The following DLG2 variants were observed in gnomAD, a reference collection of about 807,000 sequenced individuals.
The protein encoded by DLG2 is discs large MAGUK scaffold protein 2.
In DLG2, 45 loss-of-function variants were observed where a neutral mutation model predicts 132.5. That is an observed-to-expected ratio of 0.34 (90% CI 0.27 to 0.44). DLG2 has a LOEUF of 0.44. Among genes scored for constraint, DLG2 ranks in the 20% least tolerant of loss-of-function variants. The pLI, the probability that DLG2 is intolerant of heterozygous loss-of-function variation, is 1.00. For missense variants in DLG2, 1,045 were observed against 1,196.9 expected (o/e 0.87, Z 1.87); for synonymous variants, 424 against 419.6 (o/e 1.01, Z -0.13).
intron 3 of DLG2, among the ~76,000 whole-genome samples, chr11:85,321,224 T>C (rs535847985): frequency 1.3e-5 from 2 of 152,032 alleles, no homozygotes; most frequent in Middle Eastern, 3.4e-3. Flanking sequence ...AGTAGTTTTT[T>C]AGCCTGGGCA....
intron 18 of DLG2, among the ~76,000 whole-genome samples, chr11:83,760,942 T>C (rs1182147094): frequency 6.6e-6 from 1 of 152,210 alleles, no homozygotes; most frequent in Non-Finnish European, 1.5e-5. Flanking sequence ...ATGTACCTCA[T>C]TGTCTTAAGG....
At chr11:83,702,750 G>A (rs1296895066) in intron 18 of DLG2, among the ~76,000 whole-genome samples, 1 of 152,124 alleles carries the variant, frequency 6.6e-6, no homozygotes, top group African/African-American at 2.4e-5. Flanking sequence ...TGAGCTTCAT[G>A]GACAAATAAA....
At chr11:85,621,267 C>A (rs1306733464) in intron 2 of DLG2, among the ~76,000 whole-genome samples, 10 of 151,742 alleles carry the variant, frequency 6.6e-5, no homozygotes. Context: ...ATTGACAATG[C>A]ACCTAGTCAC....
At chr11:83,901,630 A>G (rs2073460745) in intron 15 of DLG2, among the ~76,000 whole-genome samples, 1 of 152,206 alleles carries the variant, frequency 6.6e-6, no homozygotes, top group Non-Finnish European at 1.5e-5. Flanking sequence ...TGTAAGTCCA[A>G]TAAACCTATT....
chr11:84,238,242 T>C (rs1252112581), intron 8 of DLG2, among the ~76,000 whole-genome samples: 1 of 151,880 alleles, frequency 6.6e-6, no homozygotes, highest in African/African-American at 2.4e-5. Context: ...AGGCCAGGCA[T>C]GGAGGCTTAC....
chr11:83,782,738 T>A (rs1047762769), intron 18 of DLG2, among the ~76,000 whole-genome samples: 1 of 151,194 alleles, frequency 6.6e-6, no homozygotes, highest in Non-Finnish European at 1.5e-5. Context: ...GAGGGGTGAG[T>A]GGGGTGAGTT....
At chr11:83,821,077 A>G (rs1044898065) in intron 17 of DLG2, among the ~76,000 whole-genome samples, 1 of 152,214 alleles carries the variant, frequency 6.6e-6, no homozygotes, top group Non-Finnish European at 1.5e-5. Context: ...GCACTGGGTT[A>G]GGTTCTGGGA....
chr11:85,578,487 A>C (rs192124072), intron 3 of DLG2, among the ~76,000 whole-genome samples: 5 of 152,280 alleles, frequency 3.3e-5, no homozygotes, highest in Admixed American at 6.5e-5. Context: ...TTTGCAAACT[A>C]TGCATCTAAC....
At chr11:84,564,664 C>G (rs1474530920) in intron 6 of DLG2, among the ~76,000 whole-genome samples, 1 of 152,126 alleles carries the variant, frequency 6.6e-6, no homozygotes, top group Non-Finnish European at 1.5e-5. Context: ...TATGCTGAAT[C>G]ATGGCTCTGG....
rs771275870 is a variant in DLG2, at chr11:84,433,257, C to G, written c.519+101313G>C. On this transcript the variant is annotated intron_variant, in intron 7 of 27. Transcript: ENST00000376104. ...AACAAATGAAATAAGCAATATATTGCTGACGGGGAAGTGAAGGTTCACAAG... is the reference window on the plus strand; with the variant it reads ...AACAAATGAAATAAGCAATATATTGGTGACGGGGAAGTGAAGGTTCACAAG... Among the ~76,000 whole-genome samples, 9 of 152,246 alleles carry G rather than the reference C, an allele frequency of 5.9e-5. No homozygotes were observed. The Middle Eastern group carries it at 0.014, about 230-fold the overall frequency.
At chr11:84,429,459 C>T (rs1360365892) in intron 7 of DLG2, among the ~76,000 whole-genome samples, 1 of 152,148 alleles carries the variant, frequency 6.6e-6, no homozygotes, top group Non-Finnish European at 1.5e-5. Flanking sequence ...AATTCCTATA[C>T]TTAATACAGC....
intron 4 of DLG2, among the ~76,000 whole-genome samples, chr11:85,205,915 A>G (rs1339840505): frequency 2.0e-5 from 3 of 152,180 alleles, no homozygotes; most frequent in Non-Finnish European, 4.4e-5. Context: ...ATTCCTTTAC[A>G]TAATCAATAG....
chr11:84,486,041 G>T (rs1217190285), intron 7 of DLG2, among the ~76,000 whole-genome samples: 1 of 152,072 alleles, frequency 6.6e-6, no homozygotes, highest in Non-Finnish European at 1.5e-5. Flanking sequence ...GCTTCGATCT[G>T]GGAGAGACAC....
intron 8 of DLG2, among the ~76,000 whole-genome samples, chr11:84,171,046 G>C (rs1202942802): frequency 6.6e-6 from 1 of 152,006 alleles, no homozygotes; most frequent in African/African-American, 2.4e-5. Flanking sequence ...TTTCCGTCTT[G>C]GCTCCACTCG....
At chr11:83,774,878 G>A (rs893986488) in intron 18 of DLG2, among the ~76,000 whole-genome samples, 1 of 152,242 alleles carries the variant, frequency 6.6e-6, no homozygotes, top group South Asian at 2.1e-4. Flanking sequence ...CTGGCACAGA[G>A]AGGTTGTCAC....
At position 84,556,736 on chromosome 11, in the gene DLG2, A is replaced by G. The variant is rs528445315; in HGVS notation, c.358-22005T>C. On this transcript the variant is annotated intron_variant, in intron 6 of 27. Coordinates refer to ENST00000376104, the MANE Select transcript of DLG2 (RefSeq NM_001142699.3). ...CAAACAATTATTTTGTATTGTGATT[A>G]AAAATTATATTTCAAACTCATTATG... is the stretch of plus-strand genomic sequence containing the variant. Among the ~76,000 whole-genome samples the G allele has an allele frequency of 2.6e-5, 4 of 152,308 alleles. No homozygotes were observed. The South Asian group carries it at 8.3e-4, about 32-fold the overall frequency.
At chr11:84,359,838 T>C (rs2098639291) in intron 7 of DLG2, among the ~76,000 whole-genome samples, 1 of 151,990 alleles carries the variant, frequency 6.6e-6, no homozygotes, top group Non-Finnish European at 1.5e-5. Flanking sequence ...CCTATTATGC[T>C]TTCTCCACAG....
intron 3 of DLG2, among the ~76,000 whole-genome samples, chr11:85,294,203 G>C (rs1220246374): frequency 6.6e-6 from 1 of 152,020 alleles, no homozygotes; most frequent in African/African-American, 2.4e-5. Context: ...GTAAACAATT[G>C]GTGAATCTGG....
At chr11:83,549,370 C>A (rs1161183059) in intron 19 of DLG2, among the ~76,000 whole-genome samples, 4 of 152,132 alleles carry the variant, frequency 2.6e-5, no homozygotes, top group Non-Finnish European at 4.4e-5. Flanking sequence ...GTGGAGTAAT[C>A]TGAGCTTCAG....
Sources: gnomAD v4.1 joint callset for allele counts (sites outside exome capture counted in the v4.1 genomes callset) on GRCh38, gnomAD v4.1.1 for gene constraint, MANE v1.5 for transcripts, NCBI Gene and HGNC (gene_info 2026-07-23, HGNC 2026-07-21) for gene names.